NAPRT: variants seen among roughly 807,000 people sequenced by gnomAD.
NAPRT encodes the protein FHA-HIT-interacting protein.
Under a neutral mutation model 60.7 loss-of-function variants are expected in NAPRT, and 66 were observed. The ratio of observed to expected loss-of-function variants is 1.09; its 90% CI spans 0.89 to 1.33. The LOEUF is 1.33. NAPRT is among the 40% of genes most tolerant of loss of function. The probability of loss-of-function intolerance (pLI) is 0.00; values close to 1 mark genes in which losing one functional copy is unlikely to be tolerated. For synonymous variants in NAPRT, 405 were observed against 335.7 expected (o/e 1.21, Z -2.26); for missense variants, 818 against 731.5 (o/e 1.12, Z -1.36).
rs151280716 is a variant in NAPRT at position 143,577,363 on chromosome 8, G to A, written c.474C>T (p.Ile158=). ...CTAGCAGCCGCTTCTCTGGCCCTGC[G>A]ATCAAGCGAAGCCGCGCTGCGTTGG... ...VATNAARLRL[I]AGPEKRLLEM... The change falls in exon 4 of 13, where the codon ATC becomes ATT. Residue 158 remains isoleucine (I), a synonymous_variant. Coordinates refer to ENST00000449291, the MANE Select transcript of NAPRT (RefSeq NM_145201.6). 1.1e-3 allele frequency: 1,775 copies of A among 1,608,268 alleles called. 17 individuals are homozygous for A. In the African/African-American group the frequency reaches 0.019, roughly 18 times the overall value.
downstream of NAPRT, chr8:143,574,776 A>G (rs1250392711): frequency 3.9e-6 from 6 of 1,542,026 alleles, no homozygotes; most frequent in East Asian, 1.2e-4. Flanking sequence ...CAAACAACAC[A>G]GGACAAGCTG....
chr8:143,572,909 G>A (rs1473519908), downstream of NAPRT: 2 of 600,478 alleles, frequency 3.3e-6, no homozygotes, highest in African/African-American at 1.9e-5. Flanking sequence ...GCTGCTGGAG[G>A]GGAGTGGCCA....
At position 143,577,347 on chromosome 8, in the gene NAPRT, G is replaced by A. The variant is rs749672755; in HGVS notation, c.490C>T (p.Arg164Trp). 14 of 1,606,554 alleles carry A rather than the reference G, an allele frequency of 8.7e-6. No homozygotes were observed. The highest frequency in any genetic ancestry group is 1.7e-4 in the Middle Eastern group (1 of 6,048). The change falls in exon 4 of 13, where the codon CGG (arginine) becomes TGG (tryptophan). Residue 164 changes from arginine to tryptophan, a missense_variant. Coordinates refer to ENST00000449291, the MANE Select transcript of NAPRT (RefSeq NM_145201.6). Reference sequence around the variant, plus strand: ...CGCCTCAGGCCCATCTCTAGCAGCCGCTTCTCTGGCCCTGCGATCAAGCGA... The same window carrying A: ...CGCCTCAGGCCCATCTCTAGCAGCCACTTCTCTGGCCCTGCGATCAAGCGA... Reference protein sequence around the residue: ...RLRLIAGPEKRLLEMGLRRAQ... With the variant: ...RLRLIAGPEKWLLEMGLRRAQ...
chr8:143,575,785 G>A (rs947964481), intron 8 of NAPRT, 83 bp from the exon 9 acceptor site: 5 of 656,004 alleles, frequency 7.6e-6, no homozygotes, highest in South Asian at 6.8e-5. Flanking sequence ...GGAAGGAGGT[G>A]GCACTGCCCT....
In NAPRT at chr8:143,575,724, C is replaced by T. The variant is rs200834238; in HGVS notation, c.1108-22G>A. 2.0e-5 allele frequency: 28 copies of T among 1,419,566 alleles called. No homozygotes were observed. The Admixed American group carries it at 2.2e-4, about 11-fold the overall frequency. 87.9% of individuals were successfully genotyped at this position (1,419,566 alleles called of 1,614,324 possible). A position where few individuals can be genotyped will look rare whatever the true frequency, so the allele number is the denominator to read the frequency against. Reference sequence around the variant, plus strand: ...TGCCCTGGGTGGGGAAGGGGGTGGCCGTGAGCCCAGCTGCCCTGGGTGGGG... The same window carrying T: ...TGCCCTGGGTGGGGAAGGGGGTGGCTGTGAGCCCAGCTGCCCTGGGTGGGG... On this transcript the variant is annotated intron_variant, in intron 8 of 12. Coordinates refer to ENST00000449291, the MANE Select transcript of NAPRT (RefSeq NM_145201.6).
chr8:143,574,607 A>C, downstream of NAPRT: 1 of 617,830 alleles, frequency 1.6e-6, no homozygotes, highest in Non-Finnish European at 2.9e-6. Flanking sequence ...GGAACTCCTC[A>C]CTGCCCTTCG....
At chr8:143,575,931 TGGGG>T (rs1171612396) in intron 8 of NAPRT, 143 bp downstream of exon 8, 2 of 137,542 alleles carry the variant, frequency 1.5e-5, no homozygotes, top group South Asian at 1.9e-4. Context: ...GTGCCCTGGG[TGGGG>T]GAAGGAGGTG....
intron 7 of NAPRT, 55 bp from the exon 8 acceptor site, chr8:143,576,217 C>T: frequency 6.7e-7 from 1 of 1,490,522 alleles, no homozygotes; most frequent in Non-Finnish European, 9.0e-7. Context: ...TCCTGATTCA[C>T]CCTGGTGTCC....
chr8:143,576,742 T>G lies in NAPRT; in HGVS notation c.785A>C (p.Gln262Pro), dbSNP rs1286936808. 6.2e-7 allele frequency: 1 copy of G among 1,607,632 alleles called. No individual in the cohort carries two copies. Among genetic ancestry groups the G allele is most frequent in the East Asian group, 2.2e-5 (1 of 44,690 alleles). Residue 262 changes from glutamine to proline, a missense_variant, in exon 6 of 13, where the codon CAG (glutamine) becomes CCG (proline). Transcript: ENST00000449291. ...TGCCCGCTCGCCTGGATGCGGCTCCTGCACCCCCAGCCCCAGGTGGGCACA... is the reference window on the plus strand; with the variant it reads ...TGCCCGCTCGCCTGGATGCGGCTCCGGCACCCCCAGCCCCAGGTGGGCACA... ...QVCAHLGLGVQEPHPGERAAF... is the reference protein window; with the variant it reads ...QVCAHLGLGVPEPHPGERAAF...
chr8:143,574,795 A>G lies in NAPRT; in HGVS notation c.*43T>C, dbSNP rs770219908. Reference sequence around the variant, plus strand: ...CAACACAGGACAAGCTGTGGGGAAAAGTGAGTGATTCGTGTTGTTTCCAGT... The same window carrying G: ...CAACACAGGACAAGCTGTGGGGAAAGGTGAGTGATTCGTGTTGTTTCCAGT... On this transcript the variant is annotated 3_prime_UTR_variant, in exon 13 of 13. Coordinates refer to ENST00000449291, the MANE Select transcript of NAPRT (RefSeq NM_145201.6). 1 of 1,548,944 alleles carries G rather than the reference A, an allele frequency of 6.5e-7. No homozygotes were observed. Among genetic ancestry groups the G allele is most frequent in the South Asian group, 1.2e-5 (1 of 84,030 alleles).
At chr8:143,577,513 C>T in intron 3 of NAPRT, 114 bp from the exon 4 acceptor site, 1 of 1,451,276 alleles carries the variant, frequency 6.9e-7, no homozygotes, top group East Asian at 2.5e-5. Context: ...TCACCCAGCC[C>T]CTCCTTACAC....
In NAPRT at chr8:143,577,644, GC is replaced by G. The variant is rs1481474155; in HGVS notation, c.437+12del. The G allele has an allele frequency of 6.5e-7, 1 of 1,536,148 alleles. No homozygotes were observed. The highest frequency in any genetic ancestry group is 2.4e-5 in the East Asian group (1 of 40,900). ...CCCATGCCCACGCTCCCTGCCAGTGGCCCGCAGCCCACCTGGCGTAGCTGAC... is the reference window on the plus strand; with the variant it reads ...CCCATGCCCACGCTCCCTGCCAGTGGCCGCAGCCCACCTGGCGTAGCTGAC... On this transcript the variant is annotated intron_variant, in intron 3 of 12. Coordinates refer to ENST00000449291, the MANE Select transcript of NAPRT (RefSeq NM_145201.6).
In NAPRT at chr8:143,577,826, G is replaced by A. The variant is rs1336269794; in HGVS notation, c.344C>T (p.Ala115Val). ...CTTACCCCTACTCACTCCGGGGAAG[G>A]CGAGGGAGCCCTCGGGCAGGGCTCG... ...TVRALPEGSL[A>V]FPGVPLLQVS... Residue 115 changes from alanine (A) to valine (V), a missense_variant, in exon 2 of 13, where the codon GCC becomes GTC. Ala to Val is a moderately conservative substitution (Grantham distance 64). Transcript: ENST00000449291. The A allele has an allele frequency of 6.2e-7, 1 of 1,609,128 alleles. No individual in the cohort carries two copies. Among genetic ancestry groups the A allele is most frequent in the Non-Finnish European group, 8.5e-7 (1 of 1,178,716 alleles).
intron 3 of NAPRT, 72 bp from the exon 4 acceptor site, chr8:143,577,471 G>T (rs1824558861): frequency 8.5e-6 from 13 of 1,522,206 alleles, no homozygotes; most frequent in South Asian, 1.2e-5. Flanking sequence ...GGTTACCTGG[G>T]GCCTGGAACT....
At chr8:143,577,588 C>G in intron 3 of NAPRT, 69 bp downstream of exon 3, 1 of 1,521,870 alleles carries the variant, frequency 6.6e-7, no homozygotes, top group East Asian at 2.5e-5. Context: ...CCGCCACAGT[C>G]CAGCACGGAG....
intron 8 of NAPRT, 59 bp downstream of exon 8, chr8:143,576,019 C>A: frequency 7.1e-7 from 1 of 1,407,676 alleles, no homozygotes. Context: ...CCAGCCAGAA[C>A]CTGCAGGGGC....
chr8:143,578,204 C>A lies in NAPRT; in HGVS notation c.115G>T (p.Ala39Ser), dbSNP rs1824657812. ...YWRAGRARDAAEFELFFRRCP... is the reference protein window; with the variant it reads ...YWRAGRARDASEFELFFRRCP... The stretch of plus-strand genomic sequence containing the variant: ...CGGCGGAAGAAGAGCTCGAACTCGG[C>A]GGCGTCCCGCGCCCGGCCCGCGCGC... The change falls in exon 1 of 13, where the codon GCC (alanine) becomes TCC (serine). Residue 39 changes from alanine (A) to serine (S), a missense_variant. Transcript: ENST00000449291. 1 of 1,505,906 alleles carries A rather than the reference C, an allele frequency of 6.6e-7. No individual in the cohort carries two copies. The allele number at this position is 1,505,906 out of a possible 1,614,324, so 93.3% of individuals were successfully genotyped here.
chr8:143,573,039 CCT>C (rs1824164585), downstream of NAPRT: 1 of 377,072 alleles, frequency 2.7e-6, no homozygotes, highest in Non-Finnish European at 4.8e-6. Flanking sequence ...ACTACCAGCC[CCT>C]GTTGACCAGG....
chr8:143,577,523 C>T (rs1824561876), intron 3 of NAPRT, 124 bp from the exon 4 acceptor site: 6 of 1,453,302 alleles, frequency 4.1e-6, no homozygotes, highest in Non-Finnish European at 4.6e-6. Context: ...CCTCCTTACA[C>T]CCTGAAGAGT....
Sources: gnomAD v4.1 joint callset for allele counts on GRCh38, gnomAD v4.1.1 for gene constraint, MANE v1.5 for transcripts, NCBI Gene and HGNC (gene_info 2026-07-23, HGNC 2026-07-21) for gene names.